CHCHD6: variants seen among roughly 807,000 people sequenced by gnomAD.
CHCHD6 encodes the protein coiled-coil-helix-coiled-coil-helix domain containing 6.
A neutral mutation model predicts 32.3 loss-of-function variants in CHCHD6; 28 were observed. The ratio of observed to expected loss-of-function variants is 0.87; its 90% confidence interval spans 0.64 to 1.19. CHCHD6 has a LOEUF of 1.19. Ranked by LOEUF, CHCHD6 falls within the 50% of genes most tolerant of loss-of-function variation. CHCHD6 has a pLI of 0.00. For synonymous variants in CHCHD6, 122 were observed against 117.5 expected, an observed-to-expected ratio of 1.04 and a Z score of -0.25; for missense variants, 333 against 307.0, an observed-to-expected ratio of 1.08 and a Z score of -0.63.
chr3:126,729,420 G>A (rs759527028), intron 2 of CHCHD6, among the ~76,000 whole-genome samples: 1 of 152,198 alleles, frequency 6.6e-6, no homozygotes, highest in African/African-American at 2.4e-5. Context: ...GGGCAGTGAG[G>A]ATGAGTGCCA....
chr3:126,821,571 G>A (rs892152456), intron 4 of CHCHD6, among the ~76,000 whole-genome samples: 20 of 152,328 alleles, frequency 1.3e-4, no homozygotes, highest in African/African-American at 4.8e-4. Context: ...CAGGATTACA[G>A]GCATGAGCCA....
chr3:126,883,209 G>T (rs75013820), intron 5 of CHCHD6, among the ~76,000 whole-genome samples: 2,479 of 152,274 alleles, frequency 0.016, 69 homozygotes, highest in African/African-American at 0.055. Context: ...TTCGATTTGT[G>T]AACTGGTACA....
chr3:126,838,096 AC>A (rs1475793274), intron 4 of CHCHD6, among the ~76,000 whole-genome samples: 1 of 152,212 alleles, frequency 6.6e-6, no homozygotes, highest in Non-Finnish European at 1.5e-5. Context: ...ATGAGCAGAC[AC>A]AAGCCTTCAG....
At chr3:126,792,891 T>TA (rs1271166747) in intron 4 of CHCHD6, among the ~76,000 whole-genome samples, 4 of 152,204 alleles carry the variant, frequency 2.6e-5, no homozygotes, top group African/African-American at 9.6e-5. Context: ...GCAGTTGTAT[T>TA]ACATTTGTTC....
chr3:126,865,468 C>T, intron 5 of CHCHD6: 3 of 660,354 alleles, frequency 4.5e-6, no homozygotes, highest in Non-Finnish European at 5.6e-6. Context: ...AGTGCCTACA[C>T]TTTCATCAAC....
chr3:126,814,022 G>A (rs1030537761), intron 4 of CHCHD6, among the ~76,000 whole-genome samples: 2 of 152,180 alleles, frequency 1.3e-5, no homozygotes, highest in African/African-American at 2.4e-5. Context: ...AGCATTAAAC[G>A]TAGCTAACTT....
intron 4 of CHCHD6, among the ~76,000 whole-genome samples, chr3:126,831,470 C>A (rs376954419): frequency 6.6e-6 from 1 of 152,280 alleles, no homozygotes; most frequent in East Asian, 1.9e-4. Flanking sequence ...TCTCTCTCCT[C>A]GATGTAAGTG....
intron 1 of CHCHD6, among the ~76,000 whole-genome samples, chr3:126,725,693 A>G (rs1423720806): frequency 2.0e-5 from 3 of 152,208 alleles, no homozygotes; most frequent in South Asian, 2.1e-4. Context: ...ACCTTCATCA[A>G]TGATCTTACA....
At chr3:126,820,889 C>T (rs1212522320) in intron 4 of CHCHD6, among the ~76,000 whole-genome samples, 2 of 152,150 alleles carry the variant, frequency 1.3e-5, no homozygotes, top group East Asian at 3.8e-4. Context: ...AGTATATTCG[C>T]AGAATTGTGC....
rs994242372 is a variant in CHCHD6, at chr3:126,959,949, A to C, written c.703-247A>C. 2.9e-4 allele frequency among the ~76,000 whole-genome samples: 44 copies of C among 152,138 alleles called. 1 individual carries two copies. The highest frequency in any genetic ancestry group is 3.7e-4 in the Non-Finnish European group (25 of 68,010). On this transcript the variant is annotated intron_variant, in intron 7 of 7. Coordinates refer to ENST00000290913, the MANE Select transcript of CHCHD6 (RefSeq NM_032343.3). The stretch of plus-strand genomic sequence containing the variant: ...CTTCTGAGCCAGCCCTGGGAGAGTA[A>C]AGGAAAGGGGAGCGGGTTCTGGTGT...
chr3:126,753,208 C>A (rs1936803737), intron 4 of CHCHD6, among the ~76,000 whole-genome samples: 1 of 152,128 alleles, frequency 6.6e-6, no homozygotes, highest in South Asian at 2.1e-4. Context: ...CCAGGGAAGG[C>A]ACATGGAGCA....
At chr3:126,942,624 T>C (rs760452206) in intron 6 of CHCHD6, among the ~76,000 whole-genome samples, 10 of 152,122 alleles carry the variant, frequency 6.6e-5, no homozygotes, top group Non-Finnish European at 1.3e-4. Context: ...CTTCATTATT[T>C]ACTTTCTAGC....
intron 5 of CHCHD6, among the ~76,000 whole-genome samples, chr3:126,885,378 C>T (rs190107933): frequency 1.1e-4 from 16 of 152,290 alleles, no homozygotes; most frequent in Admixed American, 7.8e-4. Context: ...GGCCCAACTC[C>T]GCTTTCTTCC....
At chr3:126,830,228 G>A (rs925112118) in intron 4 of CHCHD6, among the ~76,000 whole-genome samples, 5 of 152,232 alleles carry the variant, frequency 3.3e-5, no homozygotes, top group Admixed American at 6.5e-5. Flanking sequence ...CATGTGGAAA[G>A]TGGACACTTC....
intron 4 of CHCHD6, among the ~76,000 whole-genome samples, chr3:126,764,960 C>T (rs1436999301): frequency 6.6e-6 from 1 of 152,148 alleles, no homozygotes; most frequent in Non-Finnish European, 1.5e-5. Context: ...CAGCTTCCTC[C>T]CATAGGGCCT....
chr3:126,773,870 T>C (rs1185684588), intron 4 of CHCHD6, among the ~76,000 whole-genome samples: 1 of 152,164 alleles, frequency 6.6e-6, no homozygotes, highest in East Asian at 1.9e-4. Context: ...CCTCCCAAAG[T>C]GCTGGGATTA....
At chr3:126,868,443 T>G (rs1218626377) in intron 5 of CHCHD6, among the ~76,000 whole-genome samples, 4 of 151,812 alleles carry the variant, frequency 2.6e-5, no homozygotes, top group Non-Finnish European at 1.5e-5. Flanking sequence ...ATTGCTTTTT[T>G]TTTTAAAAAA....
chr3:126,747,737 A>G (rs1388908132), intron 4 of CHCHD6, among the ~76,000 whole-genome samples: 1 of 152,112 alleles, frequency 6.6e-6, no homozygotes, highest in African/African-American at 2.4e-5. Context: ...ACTGACAGCT[A>G]GATATATCCA....
intron 6 of CHCHD6, among the ~76,000 whole-genome samples, chr3:126,950,897 A>C: frequency 6.6e-6 from 1 of 152,204 alleles, no homozygotes; most frequent in South Asian, 2.1e-4. Flanking sequence ...TGCAGAAAGC[A>C]TTGTTGTTGA....
Sources: gnomAD v4.1 joint callset for allele counts (sites outside exome capture counted in the v4.1 genomes callset) on GRCh38, gnomAD v4.1.1 for gene constraint, MANE v1.5 for transcripts, NCBI Gene and HGNC (gene_info 2026-07-23, HGNC 2026-07-21) for gene names.